Variants in SUGCT observed in about 807,000 individuals in gnomAD.
SUGCT encodes the protein succinyl-CoA:glutarate-CoA transferase, also known as succinyl-CoA:glutarate CoA-transferase.
A neutral mutation model predicts 55.0 loss-of-function variants in SUGCT; 41 were observed. The ratio of observed to expected loss-of-function variants is 0.74; its 90% confidence interval spans 0.58 to 0.97. SUGCT has a LOEUF of 0.97. Among genes scored for constraint, SUGCT ranks in the 50% least tolerant of loss-of-function variants. The probability of loss-of-function intolerance (pLI) is 0.00; values close to 1 mark genes in which losing one functional copy is unlikely to be tolerated. For synonymous variants in SUGCT, 187 were observed against 200.4 expected, an observed-to-expected ratio of 0.93 and a Z score of 0.56; for missense variants, 568 against 547.8, an observed-to-expected ratio of 1.04 and a Z score of -0.37.
chr7:40,181,020 T>G, intron 2 of SUGCT, 22 bp downstream of exon 2: 1 of 1,570,966 alleles, frequency 6.4e-7, no homozygotes, highest in Non-Finnish European at 8.7e-7. Flanking sequence ...TTTATCTACA[T>G]TTTGGTGATT....
chr7:40,165,157 A>C (rs1784359710), intron 1 of SUGCT, among the ~76,000 whole-genome samples: 1 of 152,196 alleles, frequency 6.6e-6, no homozygotes, highest in Admixed American at 6.5e-5. Context: ...TAAATCATCA[A>C]ATTAAAAAAT....
At chr7:40,627,569 G>A (rs968046076) in intron 12 of SUGCT, among the ~76,000 whole-genome samples, 10 of 151,922 alleles carry the variant, frequency 6.6e-5, no homozygotes, top group African/African-American at 2.2e-4. Context: ...AGTCTGATTG[G>A]TTGCAGACAG....
intron 13 of SUGCT, among the ~76,000 whole-genome samples, chr7:40,774,816 A>C (rs1333482539): frequency 1.3e-5 from 2 of 151,846 alleles, no homozygotes; most frequent in African/African-American, 4.8e-5. Context: ...TGTGAACATC[A>C]AGAAATAATG....
At chr7:40,326,726 A>G (rs1796044052) in intron 9 of SUGCT, among the ~76,000 whole-genome samples, 1 of 152,188 alleles carries the variant, frequency 6.6e-6, no homozygotes, top group African/African-American at 2.4e-5. Flanking sequence ...AGTTTATTGA[A>G]TGGTTTAATT....
rs370104799 is a variant in SUGCT at position 40,362,423 on chromosome 7, G to T, written c.816+45568G>T. Among the ~76,000 whole-genome samples, 5 of 151,586 alleles carry T rather than the reference G, an allele frequency of 3.3e-5. No homozygotes were observed. The East Asian group carries it at 9.8e-4, about 30-fold the overall frequency. ...GACAGAGCGAGAGTCCATCCCCGCC[G>T]CTCCCCCCTCAAAAAAAAAGGTAGT... On this transcript the variant is annotated intron_variant, in intron 9 of 13. Transcript: ENST00000335693.
the SUGCT span, among the ~76,000 whole-genome samples, chr7:41,037,503 CT>C: frequency 0.12 from 17,589 of 144,046 alleles, 1,340 homozygotes; most frequent in African/African-American, 0.22. Context: ...TGTGCTCAGC[CT>C]TTTTTTTTTT....
chr7:40,819,590 C>A (rs1285692789), intron 13 of SUGCT, among the ~76,000 whole-genome samples: 1 of 152,168 alleles, frequency 6.6e-6, no homozygotes, highest in Non-Finnish European at 1.5e-5. Context: ...CCTTCACCCA[C>A]TTTTTGATGG....
At chr7:40,605,692 G>C (rs1260355114) in intron 12 of SUGCT, among the ~76,000 whole-genome samples, 1 of 152,176 alleles carries the variant, frequency 6.6e-6, no homozygotes, top group African/African-American at 2.4e-5. Context: ...TAATTGCGAG[G>C]GAAACACAGA....
chr7:40,548,048 AT>A (rs1232470771), intron 12 of SUGCT, among the ~76,000 whole-genome samples: 10 of 152,064 alleles, frequency 6.6e-5, no homozygotes, highest in Admixed American at 1.3e-4. Flanking sequence ...AATCTTAGAT[AT>A]ATTTTCTACA....
chr7:40,198,486 C>T (rs1301782483), intron 6 of SUGCT, among the ~76,000 whole-genome samples: 1 of 152,212 alleles, frequency 6.6e-6, no homozygotes. Context: ...TAAATTTCAA[C>T]AGATTCTTCT....
chr7:40,844,800 T>C (rs1584524770), intron 13 of SUGCT, among the ~76,000 whole-genome samples: 1 of 152,198 alleles, frequency 6.6e-6, no homozygotes, highest in East Asian at 1.9e-4. Flanking sequence ...CAAGAGATGA[T>C]GGTAGCTAGC....
chr7:40,324,340 C>T (rs1264523152), intron 9 of SUGCT, among the ~76,000 whole-genome samples: 1 of 151,034 alleles, frequency 6.6e-6, no homozygotes, highest in Non-Finnish European at 1.5e-5. Context: ...ACTTCAACCT[C>T]CACCTCCCAA....
chr7:40,335,031 T>G (rs1466014264), intron 9 of SUGCT, among the ~76,000 whole-genome samples: 2 of 152,222 alleles, frequency 1.3e-5, no homozygotes, highest in Non-Finnish European at 2.9e-5. Context: ...ATTTCTTGTT[T>G]TTCTCAGGTT....
At chr7:40,244,919 A>G (rs936634966) in intron 7 of SUGCT, among the ~76,000 whole-genome samples, 1 of 152,160 alleles carries the variant, frequency 6.6e-6, no homozygotes, top group Non-Finnish European at 1.5e-5. Context: ...ACGGTCCACA[A>G]TATAAATCTC....
chr7:40,711,304 AT>A (rs1422711648), intron 12 of SUGCT, among the ~76,000 whole-genome samples: 1 of 152,112 alleles, frequency 6.6e-6, no homozygotes, highest in Non-Finnish European at 1.5e-5. Flanking sequence ...AAGGTCAGGA[AT>A]TCGAGACCTG....
intron 12 of SUGCT, among the ~76,000 whole-genome samples, chr7:40,503,978 G>A (rs1792445129): frequency 1.3e-5 from 2 of 152,002 alleles, no homozygotes; most frequent in Admixed American, 1.3e-4. Flanking sequence ...GAGAATAATG[G>A]GCAGAAGACA....
chr7:40,429,484 G>A (rs1438144150), intron 9 of SUGCT, among the ~76,000 whole-genome samples: 1 of 152,186 alleles, frequency 6.6e-6, no homozygotes, highest in Non-Finnish European at 1.5e-5. Context: ...AACCTCAAAA[G>A]TAGGGAAGCT....
At chr7:40,655,634 C>G (rs1434749925) in intron 12 of SUGCT, among the ~76,000 whole-genome samples, 1 of 152,168 alleles carries the variant, frequency 6.6e-6, no homozygotes, top group Non-Finnish European at 1.5e-5. Flanking sequence ...GTCCTGCTTA[C>G]AGAGGGTCAA....
chr7:40,582,000 A>G (rs1797120774), intron 12 of SUGCT, among the ~76,000 whole-genome samples: 1 of 152,218 alleles, frequency 6.6e-6, no homozygotes, highest in African/African-American at 2.4e-5. Context: ...AAGGAAATAT[A>G]TAATCTTTCT....
Sources: gnomAD v4.1 joint callset for allele counts (sites outside exome capture counted in the v4.1 genomes callset) on GRCh38, gnomAD v4.1.1 for gene constraint, MANE v1.5 for transcripts, NCBI Gene and HGNC (gene_info 2026-07-23, HGNC 2026-07-21) for gene names.